Variants in PLS3 observed in about 807,000 individuals in gnomAD.
PLS3 encodes the protein plastin-3.
In PLS3, 11 loss-of-function variants were observed where a neutral mutation model predicts 46.5. The observed-to-expected ratio is 0.24, with a 90% CI of 0.15 to 0.39. The LOEUF (loss-of-function observed/expected upper bound fraction) is 0.39, where lower values mean the gene tolerates loss of function less well. Ranked by LOEUF, PLS3 falls within the 10% of genes least tolerant of loss-of-function variation. The probability of loss-of-function intolerance (pLI) is 1.00; values close to 1 mark genes in which losing one functional copy is unlikely to be tolerated. For missense variants in PLS3, 308 were observed against 461.8 expected (o/e 0.67, Z 3.05); for synonymous variants, 167 against 162.2 (o/e 1.03, Z -0.22).
intron 5 of PLS3, among the ~76,000 whole-genome samples, chrX:115,630,714 C>A: frequency 1.1e-5 from 1 of 94,632 alleles, no homozygotes; most frequent in African/African-American, 3.9e-5. Flanking sequence ...TATATATATA[C>A]ATATATAAAA....
At chrX:115,578,521 C>T (rs782763297) in intron 1 of PLS3, among the ~76,000 whole-genome samples, 1 of 108,550 alleles carries the variant, frequency 9.2e-6, no homozygotes, top group African/African-American at 3.4e-5. Context: ...GTTAGGAGAT[C>T]GAGACCATCC....
At chrX:115,576,136 A>G (rs2074247261) in intron 1 of PLS3, among the ~76,000 whole-genome samples, 1 of 112,503 alleles carries the variant, frequency 8.9e-6, no homozygotes, top group Non-Finnish European at 1.9e-5. Context: ...TGATAAGTAA[A>G]TTAGCCTCTA....
At chrX:115,592,533 G>C (rs1323927686) in intron 1 of PLS3, among the ~76,000 whole-genome samples, 1 of 111,250 alleles carries the variant, frequency 9.0e-6, no homozygotes, top group Non-Finnish European at 1.9e-5. Context: ...GCACAGAAAC[G>C]GCCTCTTCAG....
At chrX:115,600,787 A>C (rs1010285346) in intron 1 of PLS3, among the ~76,000 whole-genome samples, 4 of 111,627 alleles carry the variant, frequency 3.6e-5, no homozygotes, top group Non-Finnish European at 7.5e-5. Flanking sequence ...TGGGAGTTGA[A>C]GAGAAAGATC....
chrX:115,589,143 T>C, intron 1 of PLS3, among the ~76,000 whole-genome samples: 1 of 110,880 alleles, frequency 9.0e-6, no homozygotes, highest in Admixed American at 9.7e-5. Flanking sequence ...AATTTTTTTG[T>C]ATTTTTTTTG....
At chrX:115,587,277 A>G (rs1449537452) in intron 1 of PLS3, among the ~76,000 whole-genome samples, 1 of 112,349 alleles carries the variant, frequency 8.9e-6, no homozygotes, top group Non-Finnish European at 1.9e-5. Context: ...AAATAATTGT[A>G]TTAAATCTCA....
chrX:115,592,350 G>A (rs1306392185), intron 1 of PLS3, among the ~76,000 whole-genome samples: 2 of 111,467 alleles, frequency 1.8e-5, no homozygotes, highest in African/African-American at 6.5e-5. Context: ...GTCATCCCGT[G>A]GACCTTGTGA....
intron 5 of PLS3, among the ~76,000 whole-genome samples, chrX:115,630,816 A>ATG (rs2074759397): frequency 1.1e-5 from 1 of 94,663 alleles, no homozygotes; most frequent in African/African-American, 4.0e-5. Context: ...TGTATAATAT[A>ATG]TATAATACAT....
intron 1 of PLS3, among the ~76,000 whole-genome samples, chrX:115,582,228 A>G (rs1434061269): frequency 3.6e-5 from 4 of 112,219 alleles, no homozygotes; most frequent in African/African-American, 9.7e-5. Context: ...TTCTGAGGTA[A>G]TAAGCTGGGA....
At chrX:115,582,854 C>T (rs782280274) in intron 1 of PLS3, among the ~76,000 whole-genome samples, 14 of 112,162 alleles carry the variant, frequency 1.2e-4, no homozygotes, top group African/African-American at 4.5e-4. Flanking sequence ...GCCTGGGCAA[C>T]GTGGCGAAAG....
intron 1 of PLS3, among the ~76,000 whole-genome samples, chrX:115,602,821 T>G (rs1257446489): frequency 2.8e-5 from 3 of 107,199 alleles, no homozygotes; most frequent in African/African-American, 1.0e-4. Flanking sequence ...GGATGAAGCC[T>G]GTGGTGAATA....
chrX:115,586,055 C>T (rs908548359), intron 1 of PLS3, among the ~76,000 whole-genome samples: 5 of 107,142 alleles, frequency 4.7e-5, no homozygotes, highest in South Asian at 4.3e-4. Context: ...GGTGTGATCT[C>T]GGCTCACAGC....
chrX:115,620,645 C>T (rs1314160906), intron 2 of PLS3, among the ~76,000 whole-genome samples: 8 of 108,923 alleles, frequency 7.3e-5, no homozygotes, highest in African/African-American at 2.7e-4. Context: ...TCAAAAATGT[C>T]CCCTGGGGGC....
chrX:115,649,295 A>T, intron 15 of PLS3, 134 bp from the exon 16 acceptor site: 1 of 449,485 alleles, frequency 2.2e-6, no homozygotes, highest in Non-Finnish European at 3.5e-6. Flanking sequence ...AAAAAGCAAA[A>T]CTGTTCTAAT....
At chrX:115,570,567 G>A (rs1040596151) in intron 1 of PLS3, among the ~76,000 whole-genome samples, 6 of 96,451 alleles carry the variant, frequency 6.2e-5, no homozygotes, top group Non-Finnish European at 1.2e-4. Flanking sequence ...GCAACTGTGC[G>A]ATCTCAGCTC....
rs1341255726 is a variant in PLS3 at position 115,650,459 on chromosome X, C to T, written c.*898C>T. ...AGAACTTAGACGGGATTTGGTAGGC[C>T]AAGTATGCTAAGTGTACAATATATT... On this transcript the variant is annotated 3_prime_UTR_variant, in exon 16 of 16. Transcript: ENST00000355899. The T allele has an allele frequency of 1.8e-5, 2 of 111,637 alleles. No homozygotes were observed. Among genetic ancestry groups the T allele is most frequent in the Non-Finnish European group, 3.8e-5 (2 of 53,071 alleles). The allele number at this position is 111,637 out of a possible 1,213,427, so 9.2% of individuals were successfully genotyped here.
chrX:115,629,845 A>G lies in PLS3; in HGVS notation c.378A>G (p.Lys126=), dbSNP rs782107232. 2.7e-5 allele frequency: 30 copies of G among 1,117,150 alleles called. 1 individual carries two copies. Among genetic ancestry groups the G allele is most frequent in the Admixed American group, 4.7e-5 (2 of 42,696 alleles). 92.1% of individuals were successfully genotyped at this position (1,117,150 alleles called of 1,213,427 possible). ...GTQHSYSEEE[K]YAFVNWINKA... ...TTAACATAATTTTAGAGGAAGAAAA[A>G]TATGCTTTTGTTAACTGGATAAACA... is the stretch of plus-strand genomic sequence containing the variant. The change falls in exon 5 of 16, where the codon AAA becomes AAG. Residue 126 remains lysine, a synonymous_variant. Transcript: ENST00000355899.
chrX:115,572,630 A>G (rs915539138), intron 1 of PLS3, among the ~76,000 whole-genome samples: 2 of 111,849 alleles, frequency 1.8e-5, no homozygotes, highest in Non-Finnish European at 3.8e-5. Context: ...TTGCTTAATT[A>G]GTCTATTTGT....
chrX:115,621,990 A>G (rs1355236510), intron 2 of PLS3: 1 of 280,429 alleles, frequency 3.6e-6, no homozygotes, highest in African/African-American at 2.8e-5. Flanking sequence ...TTAGCCAACT[A>G]TGCTTCCTTG....
Sources: gnomAD v4.1 joint callset for allele counts (sites outside exome capture counted in the v4.1 genomes callset) on GRCh38, gnomAD v4.1.1 for gene constraint, MANE v1.5 for transcripts, NCBI Gene and HGNC (gene_info 2026-07-23, HGNC 2026-07-21) for gene names.